KATNBL1: variants seen among roughly 807,000 people sequenced by gnomAD.
The protein encoded by KATNBL1 is KATNB1-like protein 1.
In KATNBL1, 28 loss-of-function variants were observed where a neutral mutation model predicts 44.7. The observed-to-expected ratio is 0.63, with a 90% CI of 0.46 to 0.86. KATNBL1 has a LOEUF of 0.86. Ranked by LOEUF, KATNBL1 falls within the 40% of genes least tolerant of loss-of-function variation. KATNBL1 has a pLI of 0.00. For synonymous variants in KATNBL1, 78 were observed against 114.9 expected (o/e 0.68, Z 2.06); for missense variants, 272 against 350.7 (o/e 0.78, Z 1.79).
At chr15:34,157,701 T>A (rs758820204) in intron 2 of KATNBL1, among the ~76,000 whole-genome samples, 1 of 152,210 alleles carries the variant, frequency 6.6e-6, no homozygotes, top group Admixed American at 6.5e-5. Context: ...AGGCATCTAG[T>A]CCATGGCAAC....
chr15:34,163,753 C>A, intron 1 of KATNBL1, 63 bp from the exon 2 acceptor site: 2 of 889,812 alleles, frequency 2.2e-6, no homozygotes, highest in South Asian at 1.8e-5. Flanking sequence ...TTTTAACACA[C>A]ACACAAACAT....
intron 9 of KATNBL1, among the ~76,000 whole-genome samples, chr15:34,144,794 T>A (rs1173136584): frequency 1.3e-5 from 2 of 152,218 alleles, no homozygotes; most frequent in African/African-American, 4.8e-5. Context: ...CTCGAACTCC[T>A]GACCTCAGGT....
intron 4 of KATNBL1, among the ~76,000 whole-genome samples, chr15:34,149,342 ACT>A (rs554695860): frequency 6.6e-6 from 1 of 151,962 alleles, no homozygotes; most frequent in South Asian, 2.1e-4. Context: ...ACATATAAAC[ACT>A]CTGAAAAATT....
intron 1 of KATNBL1, among the ~76,000 whole-genome samples, chr15:34,198,015 A>G (rs1488784409): frequency 6.6e-6 from 1 of 152,178 alleles, no homozygotes; most frequent in Non-Finnish European, 1.5e-5. Flanking sequence ...CCTCCCACAC[A>G]AAGTGCTGGG....
At chr15:34,171,791 A>G (rs1040361171) in intron 1 of KATNBL1, among the ~76,000 whole-genome samples, 1 of 152,162 alleles carries the variant, frequency 6.6e-6, no homozygotes, top group African/African-American at 2.4e-5. Flanking sequence ...TAACAGGGAT[A>G]TGAATGAAGC....
rs1888169851 is a variant in KATNBL1 at position 34,142,213 on chromosome 15, TA to T, written c.*125del. 1 of 1,015,070 alleles carries T rather than the reference TA, an allele frequency of 9.9e-7. No homozygotes were observed. Among genetic ancestry groups the T allele is most frequent in the African/African-American group, 1.7e-5 (1 of 59,656 alleles). The allele number at this position is 1,015,070 out of a possible 1,614,324, so 62.9% of individuals were successfully genotyped here. A position where few individuals can be genotyped will look rare whatever the true frequency, so the allele number is the denominator to read the frequency against. The stretch of plus-strand genomic sequence containing the variant: ...TTAGTGGTTTCATTACGTGGCTTTT[TA>T]AAAGAAAAAATAGTTTTGATTTCTT... On this transcript the variant is annotated 3_prime_UTR_variant, in exon 10 of 10. Coordinates refer to ENST00000256544, the MANE Select transcript of KATNBL1 (RefSeq NM_024713.3).
At chr15:34,209,891 G>C (rs768513994) in intron 1 of KATNBL1, 60 bp downstream of exon 1, 1 of 151,550 alleles carries the variant, frequency 6.6e-6, no homozygotes, top group Non-Finnish European at 1.5e-5. Flanking sequence ...GGCTGGAGTA[G>C]CCCTGCCAGG....
intron 9 of KATNBL1, among the ~76,000 whole-genome samples, chr15:34,144,338 T>C (rs926337005): frequency 6.6e-6 from 1 of 151,782 alleles, no homozygotes; most frequent in East Asian, 1.9e-4. Flanking sequence ...TGTATTTTTT[T>C]CCCCCTGAAT....
At chr15:34,188,427 A>G (rs1270266687) in intron 1 of KATNBL1, among the ~76,000 whole-genome samples, 1 of 151,608 alleles carries the variant, frequency 6.6e-6, no homozygotes, top group Non-Finnish European at 1.5e-5. Flanking sequence ...ATAATGGCAC[A>G]TGCCTGTAAT....
intron 1 of KATNBL1, among the ~76,000 whole-genome samples, chr15:34,192,664 T>A (rs1461743113): frequency 6.6e-6 from 1 of 152,056 alleles, no homozygotes; most frequent in Non-Finnish European, 1.5e-5. Flanking sequence ...AAAACAGACG[T>A]GTGTAGAAAG....
At chr15:34,165,727 G>A (rs557564759) in intron 1 of KATNBL1, among the ~76,000 whole-genome samples, 3 of 152,168 alleles carry the variant, frequency 2.0e-5, no homozygotes, top group Non-Finnish European at 2.9e-5. Flanking sequence ...CCGGGAGGCT[G>A]AGGTTGCAGT....
chr15:34,179,228 G>A (rs11853347), intron 1 of KATNBL1, among the ~76,000 whole-genome samples: 18,190 of 152,218 alleles, frequency 0.12, 1,198 homozygotes, highest in Non-Finnish European at 0.15. Context: ...CCCATATCTA[G>A]CAAGGGCCTT....
At chr15:34,168,376 CAAG>C (rs1421906550) in intron 1 of KATNBL1, among the ~76,000 whole-genome samples, 2 of 152,118 alleles carry the variant, frequency 1.3e-5, no homozygotes, top group Admixed American at 6.5e-5. Flanking sequence ...ATCAATTCAA[CAAG>C]AAGAGCTAAC....
chr15:34,205,119 G>C (rs1390834005), intron 1 of KATNBL1, among the ~76,000 whole-genome samples: 1 of 151,548 alleles, frequency 6.6e-6, no homozygotes, highest in East Asian at 1.9e-4. Flanking sequence ...TCAGCCTCCT[G>C]AGTAGCTGGG....
chr15:34,145,225 G>A, intron 9 of KATNBL1, 173 bp downstream of exon 9: 1 of 1,392,628 alleles, frequency 7.2e-7, no homozygotes, highest in Non-Finnish European at 9.5e-7. Flanking sequence ...TGTGCTTGCT[G>A]CCAAGGTCAC....
chr15:34,151,044 T>C (rs1206351151), intron 4 of KATNBL1, among the ~76,000 whole-genome samples: 3 of 152,224 alleles, frequency 2.0e-5, no homozygotes, highest in Non-Finnish European at 2.9e-5. Context: ...TTGTCTTTGC[T>C]ATTGTGAACA....
At position 34,186,068 on chromosome 15, in the gene KATNBL1, C is replaced by A. The variant is rs561526764; in HGVS notation, c.-14-22378G>T. Among the ~76,000 whole-genome samples the A allele has an allele frequency of 2.0e-5, 3 of 152,174 alleles. No individual in the cohort carries two copies. The South Asian group carries it at 6.2e-4, about 32-fold the overall frequency. ...AACCATAAACATCACTTCTATGGGA[C>A]AATTGGGCCATTTCAGTACCCTCCT... On this transcript the variant is annotated intron_variant, in intron 1 of 9. Transcript: ENST00000256544.
intron 8 of KATNBL1, chr15:34,145,990 C>A (rs2140897684): frequency 6.8e-6 from 1 of 146,648 alleles, no homozygotes; most frequent in Admixed American, 7.0e-5. Flanking sequence ...GCTCTATTGC[C>A]CAGGCTGGAG....
rs780430623 is a variant in KATNBL1, at chr15:34,140,722, A to G, written c.*1617T>C. ...TTATCATGTTAAAAGTTTCACAGAGATAACAGGTTTACAATTCAAATTCCC... is the reference window on the plus strand; with the variant it reads ...TTATCATGTTAAAAGTTTCACAGAGGTAACAGGTTTACAATTCAAATTCCC... On this transcript the variant is annotated 3_prime_UTR_variant, in exon 10 of 10. Transcript: ENST00000256544. The G allele has an allele frequency of 6.6e-6, 1 of 152,178 alleles. No homozygotes were observed. The highest frequency in any genetic ancestry group is 2.4e-5 in the African/African-American group (1 of 41,468). The allele number at this position is 152,178 out of a possible 1,614,324, so 9.4% of individuals were successfully genotyped here. A position where few individuals can be genotyped will look rare whatever the true frequency, so the allele number is the denominator to read the frequency against.
Sources: gnomAD v4.1 joint callset for allele counts (sites outside exome capture counted in the v4.1 genomes callset) on GRCh38, gnomAD v4.1.1 for gene constraint, MANE v1.5 for transcripts, NCBI Gene and HGNC (gene_info 2026-07-23, HGNC 2026-07-21) for gene names.